Variants in GRAMD1B observed in about 807,000 individuals in gnomAD.
GRAMD1B encodes the protein GRAM domain containing 1B.
Under a neutral mutation model 99.7 loss-of-function variants are expected in GRAMD1B, and 37 were observed. The observed-to-expected ratio is 0.37, with a 90% CI of 0.29 to 0.49. The LOEUF is 0.49. Among genes scored for constraint, GRAMD1B ranks in the 20% least tolerant of loss-of-function variants. The pLI is 0.98. For synonymous variants in GRAMD1B, 427 were observed against 387.6 expected (o/e 1.10, Z -1.19); for missense variants, 888 against 1,009.2 (o/e 0.88, Z 1.63).
chr11:123,456,800 G>T (rs1300072105), intron 1 of GRAMD1B, among the ~76,000 whole-genome samples: 3 of 151,352 alleles, frequency 2.0e-5, no homozygotes, highest in Non-Finnish European at 2.9e-5. Context: ...CACACCTGTA[G>T]TCCCAGCTAC....
At chr11:123,523,705 C>T (rs1942417933) in intron 2 of GRAMD1B, among the ~76,000 whole-genome samples, 1 of 152,190 alleles carries the variant, frequency 6.6e-6, no homozygotes, top group Admixed American at 6.5e-5. Context: ...ACCTGGAGTA[C>T]TCTCAGTGAC....
chr11:123,428,332 G>A (rs924026107), upstream of GRAMD1B, among the ~76,000 whole-genome samples: 60 of 152,312 alleles, frequency 3.9e-4, no homozygotes, highest in Admixed American at 3.0e-3. Flanking sequence ...CCCTGGAGCC[G>A]GAAGAGGTGA....
At chr11:123,605,025 A>C (rs1415416854) in intron 9 of GRAMD1B, among the ~76,000 whole-genome samples, 2 of 152,100 alleles carry the variant, frequency 1.3e-5, no homozygotes, top group Non-Finnish European at 2.9e-5. Context: ...AAAATAGCTT[A>C]AGACAAATAA....
chr11:123,598,670 G>C, intron 7 of GRAMD1B: 1 of 1,168,522 alleles, frequency 8.6e-7, no homozygotes, highest in East Asian at 2.3e-5. Context: ...ATTTCAATCT[G>C]TCCAAACCCA....
At chr11:123,559,134 GGGGTTTGTTAGAAAGGCTGAC>G (rs1205820235) in intron 2 of GRAMD1B, among the ~76,000 whole-genome samples, 1 of 152,218 alleles carries the variant, frequency 6.6e-6, no homozygotes, top group African/African-American at 2.4e-5. Context: ...GGCATCGCCT[GGGGTTTGTTAGAAAGGCTGAC>G]TTTTGGGTGG....
At chr11:123,515,841 C>T (rs930527719) in intron 2 of GRAMD1B, among the ~76,000 whole-genome samples, 5 of 151,842 alleles carry the variant, frequency 3.3e-5, no homozygotes, top group African/African-American at 1.2e-4. Context: ...GATCTCAGCT[C>T]ATTGCAACTT....
chr11:123,473,327 G>T (rs1006312285), intron 1 of GRAMD1B, among the ~76,000 whole-genome samples: 2 of 152,120 alleles, frequency 1.3e-5, no homozygotes, highest in Non-Finnish European at 1.5e-5. Context: ...GCCTCCCAAA[G>T]TGCTGGGATT....
chr11:123,562,551 C>T (rs988017379), intron 2 of GRAMD1B, among the ~76,000 whole-genome samples: 1 of 152,288 alleles, frequency 6.6e-6, no homozygotes, highest in South Asian at 2.1e-4. Context: ...TGTGGATTTC[C>T]TATGATTTTC....
intron 8 of GRAMD1B, among the ~76,000 whole-genome samples, chr11:123,602,320 A>ATTATTATTATTC (rs766325226): frequency 6.7e-6 from 1 of 150,310 alleles, no homozygotes; most frequent in Non-Finnish European, 1.5e-5. Context: ...TATTATTATT[A>ATTATTATTATTC]TTGTTATTTT....
In GRAMD1B at chr11:123,375,110, G is replaced by A. The variant is rs117611937; in HGVS notation, c.-176+16311G>A. On this transcript the variant is annotated intron_variant, in intron 1 of 20. Coordinates refer to the GRAMD1B transcript ENST00000638157. ...CACTTAACTTACAACATTAATAAGT[G>A]AGTATTATTAATTTCCCAATTTTAG... Among the ~76,000 whole-genome samples, 99 of 152,288 alleles carry A rather than the reference G, an allele frequency of 6.5e-4. No homozygotes were observed. In the East Asian group the frequency reaches 0.016, roughly 25 times the overall value.
chr11:123,365,679 A>G (rs1188740768), intron 1 of GRAMD1B, among the ~76,000 whole-genome samples: 2 of 152,366 alleles, frequency 1.3e-5, no homozygotes, highest in East Asian at 3.9e-4. Flanking sequence ...ATTCCCTAAA[A>G]TATGGATACC....
chr11:123,387,080 C>T (rs1050697702), intron 1 of GRAMD1B, among the ~76,000 whole-genome samples: 4 of 152,068 alleles, frequency 2.6e-5, no homozygotes, highest in Non-Finnish European at 5.9e-5. Context: ...TTGGCAGAGA[C>T]GTTTTGTAGT....
chr11:123,371,155 C>T (rs1946515604), intron 1 of GRAMD1B, among the ~76,000 whole-genome samples: 1 of 150,300 alleles, frequency 6.7e-6, no homozygotes, highest in Non-Finnish European at 1.5e-5. Flanking sequence ...CTACTTTAAA[C>T]TGACGCTGGT....
At chr11:123,419,423 A>C (rs528018277) in intron 1 of GRAMD1B, among the ~76,000 whole-genome samples, 1 of 152,312 alleles carries the variant, frequency 6.6e-6, no homozygotes, top group Admixed American at 6.5e-5. Context: ...TGGGACCAGG[A>C]GTTCAAGACC....
intron 2 of GRAMD1B, among the ~76,000 whole-genome samples, chr11:123,493,876 C>T (rs1938906286): frequency 6.6e-6 from 1 of 152,176 alleles, no homozygotes; most frequent in Admixed American, 6.5e-5. Flanking sequence ...ATCACTCGAA[C>T]TGCTCTCAGC....
In GRAMD1B at chr11:123,577,489, C is replaced by G. The variant is rs1478882645; in HGVS notation, c.575C>G (p.Ser192Cys). 1 of 1,603,836 alleles carries G rather than the reference C, an allele frequency of 6.2e-7. No homozygotes were observed. The highest frequency in any genetic ancestry group is 1.7e-5 in the Admixed American group (1 of 58,922). ...DTMVEKGSDH[S>C]SDKSPSTPEQ... ...ATGGTGGAGAAGGGCTCAGATCACT[C>G]CTCGGACAAGTCCCCGTCCACACCG... The change falls in exon 3 of 20, where the codon TCC becomes TGC. Residue 192 changes from serine to cysteine, a missense_variant. Ser to Cys is a moderately radical substitution (Grantham distance 112, BLOSUM62 -1). Transcript: ENST00000635736.
intron 1 of GRAMD1B, among the ~76,000 whole-genome samples, chr11:123,420,614 G>T (rs779258785): frequency 6.6e-6 from 1 of 152,096 alleles, no homozygotes; most frequent in Non-Finnish European, 1.5e-5. Flanking sequence ...AAAGGGTATT[G>T]GTTTGCTGAA....
chr11:123,502,821 A>G lies in GRAMD1B; in HGVS notation c.452+21928A>G, dbSNP rs74809128. ...AAGAAAGAAAAAGAAAATGCACTTA[A>G]TATACCTCACCTACTTAATATCATA... On this transcript the variant is annotated intron_variant, in intron 2 of 19. Coordinates refer to ENST00000635736, the MANE Select transcript of GRAMD1B (RefSeq NM_001387025.1). Among the ~76,000 whole-genome samples, 1,487 of 152,056 alleles carry G rather than the reference A, an allele frequency of 9.8e-3. 19 individuals are homozygous for G. The highest frequency in any genetic ancestry group is 0.034 in the African/African-American group (1,411 of 41,462).
intron 2 of GRAMD1B, among the ~76,000 whole-genome samples, chr11:123,573,027 G>T (rs947839439): frequency 1.3e-5 from 2 of 150,096 alleles, no homozygotes; most frequent in Non-Finnish European, 3.0e-5. Context: ...GCCCAGGTAG[G>T]CCCCGATGGC....
Sources: allele counts gnomAD v4.1 joint callset (sites outside exome capture counted in the v4.1 genomes callset), GRCh38; gene constraint gnomAD v4.1.1; transcripts MANE v1.5; gene names NCBI Gene and HGNC (gene_info 2026-07-23, HGNC 2026-07-21).